The following ABCC11 variants were observed in gnomAD, a reference collection of about 807,000 sequenced individuals.
ABCC11 encodes ATP-binding cassette sub-family C member 11.
Under a neutral mutation model 149.3 loss-of-function variants are expected in ABCC11, and 135 were observed. The ratio of observed to expected loss-of-function variants is 0.90; its 90% CI spans 0.79 to 1.04. The LOEUF (loss-of-function observed/expected upper bound fraction) is 1.04. Among genes scored for constraint, ABCC11 ranks in the 50% least tolerant of loss-of-function variants. The pLI, the probability that ABCC11 is intolerant of heterozygous loss-of-function variation, is 0.00. For synonymous variants in ABCC11, 665 were observed against 671.4 expected, an observed-to-expected ratio of 0.99 and a Z score of 0.15; for missense variants, 1,680 against 1,722.1, an observed-to-expected ratio of 0.98 and a Z score of 0.43.
At chr16:48,201,806 A>T (rs1968006878) in intron 14 of ABCC11, among the ~76,000 whole-genome samples, 1 of 152,200 alleles carries the variant, frequency 6.6e-6, no homozygotes, top group Non-Finnish European at 1.5e-5. Context: ...TGGAAACCCA[A>T]GTTACTGAGC....
At chr16:48,227,265 G>A (rs1970132617) in intron 4 of ABCC11, among the ~76,000 whole-genome samples, 2 of 152,242 alleles carry the variant, frequency 1.3e-5, no homozygotes, top group Admixed American at 1.3e-4. Flanking sequence ...CCTGAGGTCA[G>A]GAGTTCAAGA....
At position 48,192,713 on chromosome 16, in the gene ABCC11, T is replaced by C. The variant is rs762841569; in HGVS notation, c.2513A>G (p.Asn838Ser). 1.8e-5 allele frequency: 29 copies of C among 1,614,190 alleles called. No individual in the cohort carries two copies. The South Asian group carries it at 2.0e-4, about 11-fold the overall frequency. The change falls in exon 20 of 30, where the codon AAT (asparagine) becomes AGT (serine). Residue 838 changes from asparagine to serine, a missense_variant. Physicochemically the swap from Asn to Ser is conservative, Grantham distance 46. Coordinates refer to ENST00000356608, the MANE Select transcript of ABCC11 (RefSeq NM_001370497.1). ...GGTTCCATTGCTCTCTCGGCTGCTATTGGTCTTCAAGAAAGAACAGGGGGT... is the reference window on the plus strand; with the variant it reads ...GGTTCCATTGCTCTCTCGGCTGCTACTGGTCTTCAAGAAAGAACAGGGGGT... ...SYWLEQGSGT[N>S]SSRESNGTMA...
chr16:48,244,616 G>A lies in ABCC11; in HGVS notation c.-19+2698C>T, dbSNP rs772187842. The stretch of plus-strand genomic sequence containing the variant: ...GCGACGCGCAGGACCTGCCGCCGCT[G>A]CACAGGTAGGCCTGGCTGCCCCCGC... On this transcript the variant is annotated intron_variant, in intron 1 of 29. Coordinates refer to ENST00000356608, the MANE Select transcript of ABCC11 (RefSeq NM_001370497.1). 9 of 1,455,726 alleles carry A rather than the reference G, an allele frequency of 6.2e-6. No homozygotes were observed. In the Admixed American group the frequency reaches 2.0e-4, roughly 33 times the overall value. 90.2% of individuals were successfully genotyped at this position (1,455,726 alleles called of 1,614,324 possible).
chr16:48,183,100 C>T (rs1966545772), intron 23 of ABCC11, among the ~76,000 whole-genome samples: 1 of 152,198 alleles, frequency 6.6e-6, no homozygotes, highest in East Asian at 1.9e-4. Flanking sequence ...TGGCCATGTT[C>T]CCATAGCCAA....
chr16:48,187,265 C>T lies in ABCC11; in HGVS notation c.2869G>A (p.Val957Met). The change falls in exon 21 of 30, where the codon GTG becomes ATG. Residue 957 changes from valine (V) to methionine (M), a missense_variant. Transcript: ENST00000356608. ...MVIAVLLIVS[V>M]LSPYILLMGA... is the part of the protein sequence containing the mutation. Reference sequence around the variant, plus strand: ...ATTAACAGGATATATGGAGACAGCACACTGACAATCAACAGGACGGCGATC... The same window carrying T: ...ATTAACAGGATATATGGAGACAGCATACTGACAATCAACAGGACGGCGATC... The T allele has an allele frequency of 6.2e-7, 1 of 1,614,142 alleles. No individual in the cohort carries two copies. The highest frequency in any genetic ancestry group is 1.3e-5 in the African/African-American group (1 of 75,040).
At chr16:48,186,881 C>A in intron 22 of ABCC11, 72 bp downstream of exon 22, 3 of 1,564,874 alleles carry the variant, frequency 1.9e-6, no homozygotes, top group South Asian at 1.2e-5. Context: ...CACTCCCAGA[C>A]GCTCCATTCT....
chr16:48,242,497 A>C (rs1254026311), intron 1 of ABCC11, among the ~76,000 whole-genome samples: 1 of 152,218 alleles, frequency 6.6e-6, no homozygotes, highest in Non-Finnish European at 1.5e-5. Flanking sequence ...GCAATTCCTC[A>C]AGGATCTGGA....
At chr16:48,212,425 A>T (rs1275070830) in intron 10 of ABCC11, among the ~76,000 whole-genome samples, 2 of 152,222 alleles carry the variant, frequency 1.3e-5, no homozygotes, top group East Asian at 3.8e-4. Context: ...TAATGAGCTA[A>T]GAAAAAAAAC....
intron 6 of ABCC11, among the ~76,000 whole-genome samples, chr16:48,218,725 A>C (rs897345682): frequency 6.6e-6 from 1 of 152,122 alleles, no homozygotes; most frequent in African/African-American, 2.4e-5. Context: ...TCCCTACACA[A>C]GCTCTCTCAG....
intron 4 of ABCC11, 141 bp downstream of exon 4, chr16:48,227,665 C>A (rs925439151): frequency 1.9e-6 from 2 of 1,039,074 alleles, no homozygotes; most frequent in Middle Eastern, 2.9e-4. Context: ...AAAACCCTCA[C>A]CTAGTATGAG....
At chr16:48,211,330 G>A (rs1968911306) in intron 10 of ABCC11, 131 bp from the exon 11 acceptor site, 5 of 1,164,532 alleles carry the variant, frequency 4.3e-6, no homozygotes, top group Non-Finnish European at 6.0e-6. Context: ...AAAGTTTGCA[G>A]AAGTACCACC....
intron 26 of ABCC11, among the ~76,000 whole-genome samples, chr16:48,173,495 T>TTAGTTCATATTTTTAC (rs1965844628): frequency 6.6e-6 from 1 of 152,210 alleles, no homozygotes; most frequent in Non-Finnish European, 1.5e-5. Flanking sequence ...TCAATAAATG[T>TTAGTTCATATTTTTAC]TAGTTCATAT....
At position 48,230,422 on chromosome 16, in the gene ABCC11, C is replaced by T. The variant is rs980464040; in HGVS notation, c.236+15G>A. 1.3e-6 allele frequency: 2 copies of T among 1,582,316 alleles called. No individual in the cohort carries two copies. Among genetic ancestry groups the T allele is most frequent in the African/African-American group, 2.7e-5 (2 of 73,746 alleles). Reference sequence around the variant, plus strand: ...GTGGATACAGCTCTCTCCCACCACCCCCATCAGGACTCACCTCGGCTTGGG... The same window carrying T: ...GTGGATACAGCTCTCTCCCACCACCTCCATCAGGACTCACCTCGGCTTGGG... On this transcript the variant is annotated intron_variant, in intron 3 of 29. Coordinates refer to ENST00000356608, the MANE Select transcript of ABCC11 (RefSeq NM_001370497.1).
At chr16:48,236,368 T>C (rs1268317932) in intron 1 of ABCC11, among the ~76,000 whole-genome samples, 2 of 152,174 alleles carry the variant, frequency 1.3e-5, no homozygotes, top group Non-Finnish European at 2.9e-5. Context: ...AGAGTAACCT[T>C]CCCAGATCCC....
At chr16:48,187,121 A>G (rs759617626) in intron 21 of ABCC11, 31 bp from the exon 22 acceptor site, 42 of 1,613,920 alleles carry the variant, frequency 2.6e-5, no homozygotes, top group Non-Finnish European at 3.4e-5. Context: ...AGGGACCTGG[A>G]CCGTCCACCT....
chr16:48,194,019 A>G (rs1416658522), intron 18 of ABCC11, 37 bp from the exon 19 acceptor site: 16 of 1,510,182 alleles, frequency 1.1e-5, no homozygotes, highest in Non-Finnish European at 1.5e-5. Flanking sequence ...AAGTGCCACA[A>G]ACAGGTGCGA....
intron 5 of ABCC11, 59 bp from the exon 6 acceptor site, chr16:48,222,890 T>A: frequency 7.0e-7 from 1 of 1,435,632 alleles, no homozygotes; most frequent in Admixed American, 1.9e-5. Context: ...GTTTGATGTT[T>A]TGTTGCTGGA....
At chr16:48,246,507 C>T (rs774727161) in intron 1 of ABCC11, among the ~76,000 whole-genome samples, 2 of 152,186 alleles carry the variant, frequency 1.3e-5, no homozygotes. Flanking sequence ...GATTTAGTCA[C>T]ATTTTAAGTT....
intron 1 of ABCC11, among the ~76,000 whole-genome samples, chr16:48,239,288 C>T (rs7203378): frequency 0.13 from 19,866 of 151,984 alleles, 1,587 homozygotes; most frequent in African/African-American, 0.23. Flanking sequence ...AAGGGCTGGG[C>T]GAGGTGGCTC....
Sources: gnomAD v4.1 joint callset for allele counts (sites outside exome capture counted in the v4.1 genomes callset) on GRCh38, gnomAD v4.1.1 for gene constraint, MANE v1.5 for transcripts, NCBI Gene and HGNC (gene_info 2026-07-23, HGNC 2026-07-21) for gene names.